The following NWD1 variants were observed in gnomAD, a reference collection of about 807,000 sequenced individuals.
The protein encoded by NWD1 is NACHT domain- and WD repeat-containing protein 1.
NWD1 carries 129 observed loss-of-function variants against 135.1 expected under a neutral mutation model. That is an observed-to-expected ratio of 0.96 (90% confidence interval 0.83 to 1.11). NWD1 has a LOEUF of 1.11. Among genes scored for constraint, NWD1 ranks in the 50% least tolerant of loss-of-function variants. The probability of loss-of-function intolerance (pLI) is 0.00; values close to 1 mark genes in which losing one functional copy is unlikely to be tolerated. For missense variants in NWD1, 1,740 were observed against 1,851.3 expected (o/e 0.94, Z 1.10); for synonymous variants, 773 against 786.0 (o/e 0.98, Z 0.28).
intron 11 of NWD1, among the ~76,000 whole-genome samples, chr19:16,778,943 T>C (rs987946895): frequency 1.3e-5 from 2 of 152,202 alleles, no homozygotes; most frequent in Non-Finnish European, 2.9e-5. Flanking sequence ...GGGGTTGTCA[T>C]GCGTTGCTGG....
intron 12 of NWD1, among the ~76,000 whole-genome samples, chr19:16,783,005 T>C (rs1030823560): frequency 6.4e-5 from 9 of 140,138 alleles, no homozygotes; most frequent in Non-Finnish European, 1.2e-4. Context: ...TCTCTCTCTC[T>C]TTCTTTCTTT....
Position 16,799,971 on chromosome 19 carries a change from C to T in NWD1, c.3545C>T (p.Ala1182Val), listed in dbSNP as rs1970547647. 3 of 1,614,050 alleles carry T rather than the reference C, an allele frequency of 1.9e-6. No individual in the cohort carries two copies. The highest frequency in any genetic ancestry group is 2.5e-6 in the Non-Finnish European group (3 of 1,180,026). Residue 1182 changes from alanine to valine, a missense_variant, in exon 17 of 19, where the codon GCT becomes GTT. By Grantham distance (64) the Ala-to-Val change is moderately conservative. Transcript: ENST00000524140. ...GTGAGCCTGCTGGCCCGCGGCGGGG[C>T]TTTGGTGGCATCTGCTTCCCCACAG... ...APVSLLARGG[A>V]LVASASPQSS...
chr19:16,746,702 A>G (rs1179322378), intron 5 of NWD1, among the ~76,000 whole-genome samples: 1 of 151,866 alleles, frequency 6.6e-6, no homozygotes, highest in Non-Finnish European at 1.5e-5. Context: ...ACAAAAAAAA[A>G]CAGTCGATGA....
At chr19:16,775,977 G>A (rs149693056) in intron 11 of NWD1, among the ~76,000 whole-genome samples, 11 of 152,252 alleles carry the variant, frequency 7.2e-5, no homozygotes, top group African/African-American at 2.6e-4. Flanking sequence ...AGGGAAATGT[G>A]GTCTTTGTGC....
intron 11 of NWD1, among the ~76,000 whole-genome samples, chr19:16,778,600 C>T (rs1969745544): frequency 6.6e-6 from 1 of 151,588 alleles, no homozygotes; most frequent in African/African-American, 2.4e-5. Flanking sequence ...CCTCCACCTC[C>T]TGGGCTCAAG....
chr19:16,732,591 G>T (rs1240846755), intron 3 of NWD1, among the ~76,000 whole-genome samples: 4 of 122,412 alleles, frequency 3.3e-5, no homozygotes, highest in Non-Finnish European at 6.5e-5. Flanking sequence ...CCAATCCCTG[G>T]CTAGGGAATT....
chr19:16,748,286 T>C (rs1047988374), intron 5 of NWD1, among the ~76,000 whole-genome samples: 5 of 151,492 alleles, frequency 3.3e-5, no homozygotes, highest in Non-Finnish European at 5.9e-5. Flanking sequence ...GTCCAGCCCG[T>C]TGATGGATGT....
rs1971087268 is a variant in NWD1 at position 16,817,129 on chromosome 19, T to A, written c.*2090T>A. The A allele has an allele frequency of 6.6e-6, 1 of 151,904 alleles. No homozygotes were observed. Among genetic ancestry groups the A allele is most frequent in the African/African-American group, 2.4e-5 (1 of 41,342 alleles). The allele number at this position is 151,904 out of a possible 1,614,324, so 9.4% of individuals were successfully genotyped here. On this transcript the variant is annotated 3_prime_UTR_variant, in exon 19 of 19. Transcript: ENST00000524140. ...CAGCCTGGACAACATGGTGAAACCCTTCTCTACTAAAAATACAAAAATCAG... is the reference window on the plus strand; with the variant it reads ...CAGCCTGGACAACATGGTGAAACCCATCTCTACTAAAAATACAAAAATCAG...
chr19:16,761,844 T>C (rs1599484048), intron 7 of NWD1, 135 bp from the exon 8 acceptor site: 2 of 595,664 alleles, frequency 3.4e-6, no homozygotes, highest in East Asian at 5.7e-5. Flanking sequence ...AGATGTGATG[T>C]ATCAAATAGC....
chr19:16,726,225 G>T (rs1399968618), intron 2 of NWD1, among the ~76,000 whole-genome samples: 5 of 152,018 alleles, frequency 3.3e-5, no homozygotes, highest in Non-Finnish European at 2.9e-5. Context: ...GCCTCCCAAA[G>T]TGCTGGGATT....
chr19:16,797,032 T>C (rs1970437809), intron 15 of NWD1, among the ~76,000 whole-genome samples: 1 of 151,708 alleles, frequency 6.6e-6, no homozygotes, highest in South Asian at 2.1e-4. Flanking sequence ...ATACAAAATT[T>C]AGCCAGGCAT....
chr19:16,759,100 G>A, intron 6 of NWD1, 125 bp from the exon 7 acceptor site: 1 of 741,266 alleles, frequency 1.3e-6, no homozygotes, highest in Non-Finnish European at 2.4e-6. Flanking sequence ...CTGTCCAAAT[G>A]CTGATCCCAG....
rs1555730370 is a variant in NWD1 at position 16,790,638 on chromosome 19, A to AAAAT, written c.2941-680_2941-677dup. Among the ~76,000 whole-genome samples, 38 of 56,966 alleles carry AAAAT rather than the reference A, an allele frequency of 6.7e-4. 1 individual carries two copies. Among genetic ancestry groups the AAAAT allele is most frequent in the Admixed American group, 3.3e-3 (19 of 5,732 alleles). The allele number at this position is 56,966 out of a possible 152,430, so 37.4% of individuals were successfully genotyped here. On this transcript the variant is annotated intron_variant, in intron 13 of 18. Transcript: ENST00000524140. ...CCAAAACTGAAAGTAACATTAAAAAAAAATAAATAAATAAATAAATAAATA... is the reference window on the plus strand; with the variant it reads ...CCAAAACTGAAAGTAACATTAAAAAAAAATAAATAAATAAATAAATAAATAAATA...
intron 12 of NWD1, among the ~76,000 whole-genome samples, chr19:16,785,811 A>T (rs1190323315): frequency 6.0e-5 from 9 of 149,362 alleles, no homozygotes; most frequent in Non-Finnish European, 8.9e-5. Flanking sequence ...CTATATATAT[A>T]TTTTTATCAA....
chr19:16,774,476 C>T (rs988170892), intron 11 of NWD1, among the ~76,000 whole-genome samples: 1 of 151,780 alleles, frequency 6.6e-6, no homozygotes, highest in Non-Finnish European at 1.5e-5. Context: ...TCCATCCACC[C>T]ATCCACCCAT....
intron 10 of NWD1, among the ~76,000 whole-genome samples, chr19:16,765,440 C>G (rs1969188182): frequency 6.6e-6 from 1 of 152,058 alleles, no homozygotes; most frequent in Non-Finnish European, 1.5e-5. Flanking sequence ...TTCAAATGCT[C>G]CTCCCACCTC....
At chr19:16,776,565 CT>C (rs1048777315) in intron 11 of NWD1, among the ~76,000 whole-genome samples, 2 of 141,906 alleles carry the variant, frequency 1.4e-5, no homozygotes, top group African/African-American at 2.8e-5. Context: ...AAAACTCCGT[CT>C]CACAAAAAAA....
chr19:16,796,287 C>A (rs1970415197), intron 15 of NWD1, among the ~76,000 whole-genome samples: 2 of 151,950 alleles, frequency 1.3e-5, no homozygotes, highest in African/African-American at 4.8e-5. Flanking sequence ...CATGGTGAAA[C>A]CCTGTCTCTA....
intron 4 of NWD1, among the ~76,000 whole-genome samples, chr19:16,737,755 T>C (rs993991821): frequency 1.3e-5 from 2 of 151,498 alleles, no homozygotes; most frequent in South Asian, 2.1e-4. Context: ...GGGTGGATCA[T>C]GAAGTCAGGA....
Sources: gnomAD v4.1 joint callset for allele counts (sites outside exome capture counted in the v4.1 genomes callset) on GRCh38, gnomAD v4.1.1 for gene constraint, MANE v1.5 for transcripts, NCBI Gene and HGNC (gene_info 2026-07-23, HGNC 2026-07-21) for gene names.